KCNH7: variants seen among roughly 807,000 people sequenced by gnomAD.
The protein encoded by KCNH7 is potassium voltage-gated channel subfamily H member 7.
In KCNH7, 49 loss-of-function variants were observed where a neutral mutation model predicts 120.8. The observed-to-expected ratio is 0.41, with a 90% confidence interval of 0.32 to 0.51. The LOEUF is 0.51. KCNH7 is among the 20% of genes least tolerant of loss of function. The pLI is 0.38. For missense variants in KCNH7, 1,097 were observed against 1,446.6 expected, an observed-to-expected ratio of 0.76 and a Z score of 3.92; for synonymous variants, 547 against 516.1, an observed-to-expected ratio of 1.06 and a Z score of -0.81.
At position 162,518,001 on chromosome 2, in the gene KCNH7, G is replaced by C; in HGVS notation, c.621C>G (p.Ser207Arg). Residue 207 changes from serine to arginine, a missense_variant, in exon 4 of 16, where the codon AGC becomes AGG. Around this residue, in one of 8 missense-constraint regions of KCNH7, gnomAD observed 362 missense variants for 372.2 expected, o/e 0.97. Coordinates refer to ENST00000332142, the MANE Select transcript of KCNH7 (RefSeq NM_033272.4). ...MKHFKSPTKE[S>R]CSPSEADDTK... ...TGTCATCTGCTTCAGAGGGGCTGCA[G>C]CTTTCTTTTGTAGGAGACTTAAAAT... 1 of 1,612,530 alleles carries C rather than the reference G, an allele frequency of 6.2e-7. No homozygotes were observed. The highest frequency in any genetic ancestry group is 8.5e-7 in the Non-Finnish European group (1 of 1,178,940).
At chr2:162,624,980 C>T (rs191474434) in intron 2 of KCNH7, among the ~76,000 whole-genome samples, 2 of 148,674 alleles carry the variant, frequency 1.3e-5, no homozygotes, top group African/African-American at 5.0e-5. Context: ...TCACCTCCAC[C>T]TCCACCTCCG....
intron 2 of KCNH7, among the ~76,000 whole-genome samples, chr2:162,593,287 T>A (rs1457389014): frequency 1.3e-5 from 2 of 152,060 alleles, no homozygotes; most frequent in Admixed American, 6.6e-5. Flanking sequence ...ATCAAATAGT[T>A]CCACTTTTCC....
At chr2:162,428,646 A>C (rs1014549029) in intron 8 of KCNH7, among the ~76,000 whole-genome samples, 1 of 151,862 alleles carries the variant, frequency 6.6e-6, no homozygotes, top group African/African-American at 2.4e-5. Context: ...TATAATTATG[A>C]ATTTGTCTTG....
At position 162,582,458 on chromosome 2, in the gene KCNH7, C is replaced by T. The variant is rs973002549; in HGVS notation, c.308-45378G>A. 2.0e-5 allele frequency among the ~76,000 whole-genome samples: 3 copies of T among 152,184 alleles called. No individual in the cohort carries two copies. In the East Asian group the frequency reaches 5.8e-4, roughly 30 times the overall value. Reference sequence around the variant, plus strand: ...CAGAAAGTTTCCTTACAGAAACTCTCCTATTCCATGACTCGGTTGAGACTT... The same window carrying T: ...CAGAAAGTTTCCTTACAGAAACTCTTCTATTCCATGACTCGGTTGAGACTT... On this transcript the variant is annotated intron_variant, in intron 2 of 15. Transcript: ENST00000332142.
chr2:162,778,868 C>T (rs1683358930), intron 2 of KCNH7, among the ~76,000 whole-genome samples: 1 of 151,700 alleles, frequency 6.6e-6, no homozygotes, highest in South Asian at 2.1e-4. Flanking sequence ...TAAATTTATT[C>T]ATTGAGTTAT....
chr2:162,517,731 T>C lies in KCNH7; in HGVS notation c.891A>G (p.Glu297=). 1 of 1,552,756 alleles carries C rather than the reference T, an allele frequency of 6.4e-7. No homozygotes were observed. The highest frequency in any genetic ancestry group is 2.3e-5 in the East Asian group (1 of 43,632). Residue 297 remains glutamate, a splice_region_variant and synonymous_variant, in exon 4 of 16, where the codon GAA becomes GAG. Transcript: ENST00000332142. ...CATTTAAAAAAAAATCAAACATACC[T>C]TCGCTGGCATGTCGGTCTCTAAATA... ...KNIFRDRHAS[E]DNGRNVKGPF...
At position 162,741,286 on chromosome 2, in the gene KCNH7, T is replaced by TACATATTAATAACATATGTTATTAATTAC. The variant is rs1559110393; in HGVS notation, c.307+95222_307+95250dup. 4.6e-4 allele frequency among the ~76,000 whole-genome samples: 66 copies of TACATATTAATAACATATGTTATTAATTAC among 144,390 alleles called. 1 individual carries two copies. Among genetic ancestry groups the TACATATTAATAACATATGTTATTAATTAC allele is most frequent in the Admixed American group, 9.6e-4 (14 of 14,514 alleles). The allele number at this position is 144,390 out of a possible 152,430, so 94.7% of individuals were successfully genotyped here. A position where few individuals can be genotyped will look rare whatever the true frequency, so the allele number is the denominator to read the frequency against. On this transcript the variant is annotated intron_variant, in intron 2 of 15. Coordinates refer to ENST00000332142, the MANE Select transcript of KCNH7 (RefSeq NM_033272.4). Reference sequence around the variant, plus strand: ...TATTAATAACATATGTTATTAGTTATACATATTAATAACATATGTTATTAA... The same window carrying TACATATTAATAACATATGTTATTAATTAC: ...TATTAATAACATATGTTATTAGTTATACATATTAATAACATATGTTATTAATTACACATATTAATAACATATGTTATTAA...
chr2:162,643,485 A>T (rs1684237174), intron 2 of KCNH7, among the ~76,000 whole-genome samples: 1 of 152,172 alleles, frequency 6.6e-6, no homozygotes. Flanking sequence ...ACATTATGGA[A>T]AAAGTAAAGT....
chr2:162,743,109 C>T (rs904837355), intron 2 of KCNH7, among the ~76,000 whole-genome samples: 10 of 152,112 alleles, frequency 6.6e-5, no homozygotes, highest in Non-Finnish European at 1.3e-4. Flanking sequence ...TCTCAACCCA[C>T]GCTCTCCCTG....
chr2:162,677,844 G>A (rs988608158), intron 2 of KCNH7, among the ~76,000 whole-genome samples: 1 of 151,380 alleles, frequency 6.6e-6, no homozygotes, highest in Non-Finnish European at 1.5e-5. Flanking sequence ...CATCCCAGTG[G>A]ATGTGTAGTT....
intron 2 of KCNH7, among the ~76,000 whole-genome samples, chr2:162,590,310 C>T (rs958463449): frequency 2.6e-5 from 4 of 152,114 alleles, no homozygotes; most frequent in East Asian, 1.9e-4. Context: ...GGAGGAGAGC[C>T]GCACCTCCTG....
At chr2:162,400,905 C>A (rs146752702) in intron 9 of KCNH7, among the ~76,000 whole-genome samples, 3 of 151,818 alleles carry the variant, frequency 2.0e-5, no homozygotes, top group Admixed American at 2.0e-4. Flanking sequence ...AAATGTTGAC[C>A]CTGAAATAGT....
chr2:162,672,517 G>A (rs565621133), intron 2 of KCNH7, among the ~76,000 whole-genome samples: 1 of 152,056 alleles, frequency 6.6e-6, no homozygotes, highest in South Asian at 2.1e-4. Flanking sequence ...TTTAGAGGGA[G>A]TGTAATAACA....
At chr2:162,834,598 A>C (rs766788554) in intron 2 of KCNH7, among the ~76,000 whole-genome samples, 3 of 152,104 alleles carry the variant, frequency 2.0e-5, no homozygotes, top group Non-Finnish European at 4.4e-5. Context: ...AAATCCTTCA[A>C]ATAGAAAGAT....
intron 2 of KCNH7, among the ~76,000 whole-genome samples, chr2:162,541,010 G>C (rs532653261): frequency 1.3e-5 from 2 of 152,022 alleles, no homozygotes; most frequent in African/African-American, 4.8e-5. Flanking sequence ...ATAATGAGAG[G>C]TGTCCAAGTT....
chr2:162,680,321 GA>G (rs1685669461), intron 2 of KCNH7, among the ~76,000 whole-genome samples: 1 of 151,676 alleles, frequency 6.6e-6, no homozygotes, highest in Non-Finnish European at 1.5e-5. Context: ...CGAGTCACAT[GA>G]AAAAGCAGAA....
chr2:162,379,340 C>G (rs1230053264), intron 14 of KCNH7, among the ~76,000 whole-genome samples: 1 of 152,168 alleles, frequency 6.6e-6, no homozygotes, highest in Non-Finnish European at 1.5e-5. Flanking sequence ...ATTTATTCAT[C>G]ATGTTAAGTG....
At chr2:162,592,646 C>T (rs1229770384) in intron 2 of KCNH7, among the ~76,000 whole-genome samples, 1 of 152,036 alleles carries the variant, frequency 6.6e-6, no homozygotes, top group Non-Finnish European at 1.5e-5. Context: ...CAGGGACCCT[C>T]AGAGCCTTTG....
At chr2:162,821,513 T>TA (rs1685120192) in intron 2 of KCNH7, among the ~76,000 whole-genome samples, 1 of 152,206 alleles carries the variant, frequency 6.6e-6, no homozygotes, top group Non-Finnish European at 1.5e-5. Flanking sequence ...TTGGAAAGCC[T>TA]AAAAAATGTT....
Sources: gnomAD v4.1 joint callset for allele counts (sites outside exome capture counted in the v4.1 genomes callset) on GRCh38, gnomAD v4.1.1 for gene constraint, gnomAD v4.1.1 regional missense constraint, MANE v1.5 for transcripts, NCBI Gene and HGNC (gene_info 2026-07-23, HGNC 2026-07-21) for gene names.